Variants in CYP2F1 observed in about 807,000 individuals in gnomAD.
CYP2F1 encodes cytochrome P450 2F1.
A neutral mutation model predicts 40.4 loss-of-function variants in CYP2F1; 33 were observed. That is an observed-to-expected ratio of 0.82 (90% CI 0.62 to 1.09). CYP2F1 has a LOEUF of 1.09. Ranked by LOEUF, CYP2F1 falls within the 50% of genes least tolerant of loss-of-function variation. The probability of loss-of-function intolerance (pLI) is 0.00; values close to 1 mark genes in which losing one functional copy is unlikely to be tolerated. For missense variants in CYP2F1, 566 were observed against 655.7 expected, an observed-to-expected ratio of 0.86 and a Z score of 1.49; for synonymous variants, 235 against 277.2, an observed-to-expected ratio of 0.85 and a Z score of 1.51.
In CYP2F1 at chr19:41,121,459, C is replaced by T. The variant is rs1314569101; in HGVS notation, c.486C>T (p.Gly162=). The T allele has an allele frequency of 1.9e-6, 3 of 1,608,774 alleles. No individual in the cohort carries two copies. The highest frequency in any genetic ancestry group is 1.7e-6 in the Non-Finnish European group (2 of 1,179,250). ...ATCCATTGCACTCCTTACCCTCAGG[C>T]GAGCCCTTTGACCCCACGTTTGTGC... ...FLLAELRKTE[G]EPFDPTFVLS... The change falls in exon 5 of 10, where the codon GGC becomes GGT. Residue 162 remains glycine, a splice_region_variant and synonymous_variant. Transcript: ENST00000331105.
In CYP2F1 at chr19:41,122,254, G is replaced by A. The variant is rs1468356992; in HGVS notation, c.822+121G>A. On this transcript the variant is annotated intron_variant, in intron 6 of 9. Coordinates refer to ENST00000331105, the MANE Select transcript of CYP2F1 (RefSeq NM_000774.5). ...GGGGGACCTTCTCCCTGGAGAAGCT[G>A]AAGCATCTGGCCCAGCTGGGCTGGA... The A allele has an allele frequency of 1.8e-5, 17 of 951,494 alleles. 1 individual carries two copies. The South Asian group carries it at 2.3e-4, about 13-fold the overall frequency. The allele number at this position is 951,494 out of a possible 1,614,324, so 58.9% of individuals were successfully genotyped here. A position where few individuals can be genotyped will look rare whatever the true frequency, so the allele number is the denominator to read the frequency against.
chr19:41,120,433 A>C lies in CYP2F1; in HGVS notation c.421A>C (p.Ser141Arg), dbSNP rs1406232456. 6.2e-7 allele frequency: 1 copy of C among 1,614,076 alleles called. No homozygotes were observed. The highest frequency in any genetic ancestry group is 2.2e-5 in the East Asian group (1 of 44,880). The part of the protein sequence containing the change: ...ILRNFGMGKR[S>R]IEERILEEGS... ...ACGGAATTTCGGGATGGGGAAGAGA[A>C]GCATTGAGGAGCGAATCCTAGAGGA... Residue 141 changes from serine (S) to arginine (R), a missense_variant, in exon 4 of 10, where the codon AGC (serine) becomes CGC (arginine). Ser to Arg is a moderately radical substitution (Grantham distance 110, BLOSUM62 -1). Coordinates refer to ENST00000331105, the MANE Select transcript of CYP2F1 (RefSeq NM_000774.5).
intron 7 of CYP2F1, among the ~76,000 whole-genome samples, chr19:41,124,259 T>TAC (rs1488390905): frequency 2.3e-5 from 2 of 85,928 alleles, no homozygotes; most frequent in African/African-American, 1.1e-4. Flanking sequence ...CCCCCCCTTT[T>TAC]TTTTTTTTTT....
At position 41,128,087 on chromosome 19, in the gene CYP2F1, C is replaced by G. The variant is rs756222596; in HGVS notation, c.*5C>G. On this transcript the variant is annotated 3_prime_UTR_variant, in exon 10 of 10. Coordinates refer to ENST00000331105, the MANE Select transcript of CYP2F1 (RefSeq NM_000774.5). ...CTGTGCCTGCGCCCGCGCTAACGCC[C>G]CGGCCCTTCCAGATTCGCCTGTGAG... is the stretch of plus-strand genomic sequence containing the variant. 8.8e-6 allele frequency: 14 copies of G among 1,598,060 alleles called. No individual in the cohort carries two copies. The East Asian group carries it at 2.0e-4, about 23-fold the overall frequency.
rs1488390905 is a variant in CYP2F1, at chr19:41,124,259, T to TCC, written c.965-460_965-459insCC. 5.7e-4 allele frequency among the ~76,000 whole-genome samples: 49 copies of TCC among 85,924 alleles called. 1 individual carries two copies. The highest frequency in any genetic ancestry group is 8.5e-4 in the Non-Finnish European group (40 of 47,254). 56.4% of individuals were successfully genotyped at this position (85,924 alleles called of 152,430 possible). On this transcript the variant is annotated intron_variant, in intron 7 of 9. Transcript: ENST00000331105. ...TTTTTTCCTCTTCCCCCCCCCCTTTTTTTTTTTTTTTTTTTTTTTTTTGAG... is the reference window on the plus strand; with the variant it reads ...TTTTTTCCTCTTCCCCCCCCCCTTTTCCTTTTTTTTTTTTTTTTTTTTTTGAG...
rs186281561 is a variant in CYP2F1 at position 41,116,624 on chromosome 19, C to T, written c.334+7C>T. 11 of 1,613,592 alleles carry T rather than the reference C, an allele frequency of 6.8e-6. No homozygotes were observed. In the Admixed American group the frequency reaches 1.7e-4, roughly 25 times the overall value. ...AACTTTACCAAGGGCAATGGTAAGC[C>T]TCGTCCTTGTCTCCTCCGCTCTCGG... On this transcript the variant is annotated splice_region_variant and intron_variant, in intron 3 of 9. Transcript: ENST00000331105.
At chr19:41,122,515 TACAC>T (rs1189813253) in intron 6 of CYP2F1, among the ~76,000 whole-genome samples, 1 of 151,178 alleles carries the variant, frequency 6.6e-6, no homozygotes, top group African/African-American at 2.4e-5. Context: ...CATACATACA[TACAC>T]ACACACATAC....
rs890851240 is a variant in CYP2F1, at chr19:41,125,128, A to G, written c.1152+222A>G. On this transcript the variant is annotated intron_variant, in intron 8 of 9. Coordinates refer to ENST00000331105, the MANE Select transcript of CYP2F1 (RefSeq NM_000774.5). ...TAGTGGACTAGACCCCTTCACCATG[A>G]CAAATCCCCTTCCTAGAACCCCTCC... 1.2e-5 allele frequency: 7 copies of G among 567,324 alleles called. No individual in the cohort carries two copies. In the East Asian group the frequency reaches 2.1e-4, roughly 17 times the overall value. 35.1% of individuals were successfully genotyped at this position (567,324 alleles called of 1,614,324 possible). A position where few individuals can be genotyped will look rare whatever the true frequency, so the allele number is the denominator to read the frequency against.
intron 3 of CYP2F1, among the ~76,000 whole-genome samples, 193 bp from the exon 4 acceptor site, chr19:41,120,154 T>A (rs2032102372): frequency 6.6e-6 from 1 of 151,898 alleles, no homozygotes; most frequent in Non-Finnish European, 1.5e-5. Flanking sequence ...AGGATGGTCG[T>A]GAGGGAAGCC....
intron 7 of CYP2F1, among the ~76,000 whole-genome samples, 192 bp from the exon 8 acceptor site, chr19:41,124,527 T>G (rs1217380856): frequency 6.6e-6 from 1 of 152,108 alleles, no homozygotes; most frequent in African/African-American, 2.4e-5. Context: ...GCCTCCCAAG[T>G]GCTGGGATTA....
chr19:41,117,946 T>G (rs1393384247), intron 3 of CYP2F1, among the ~76,000 whole-genome samples: 1 of 151,968 alleles, frequency 6.6e-6, no homozygotes, highest in Non-Finnish European at 1.5e-5. Context: ...GCCTCCCAGG[T>G]TGATGCCATT....
intron 3 of CYP2F1, among the ~76,000 whole-genome samples, chr19:41,117,494 T>C (rs1378157707): frequency 1.3e-5 from 2 of 152,080 alleles, no homozygotes; most frequent in Non-Finnish European, 2.9e-5. Flanking sequence ...CAATTACCTA[T>C]TGAAATTTCC....
intron 8 of CYP2F1, chr19:41,125,164 T>C: frequency 1.8e-6 from 1 of 566,108 alleles, no homozygotes; most frequent in Non-Finnish European, 3.1e-6. Flanking sequence ...CTGGAAGCCC[T>C]GGGGTCTGGA....
intron 4 of CYP2F1, among the ~76,000 whole-genome samples, chr19:41,120,989 C>G (rs1349536529): frequency 1.3e-5 from 2 of 151,928 alleles, no homozygotes; most frequent in Non-Finnish European, 2.9e-5. Context: ...TGTTGTGTGG[C>G]AGGATTATGT....
chr19:41,120,590 T>C (rs1274538730), intron 4 of CYP2F1, 94 bp downstream of exon 4: 2 of 1,377,046 alleles, frequency 1.5e-6, no homozygotes, highest in Non-Finnish European at 1.0e-6. Context: ...CAAACCATCC[T>C]CCCACCTCAA....
At chr19:41,121,691 C>A in intron 5 of CYP2F1, 73 bp downstream of exon 5, 6 of 1,428,506 alleles carry the variant, frequency 4.2e-6, no homozygotes, top group South Asian at 1.3e-5. Context: ...AAACAGTGGG[C>A]GGGGAAAGGG....
Position 41,122,068 on chromosome 19 carries a change from C to G in CYP2F1, c.757C>G (p.Gln253Glu), listed in dbSNP as rs1323685735. The change falls in exon 6 of 10, where the codon CAG becomes GAG. Residue 253 changes from glutamine (Q) to glutamate (E), a missense_variant. Gln to Glu is a conservative substitution (Grantham distance 29). This residue lies in a region of CYP2F1 where 62 missense variants were observed against 105.6 expected (regional missense o/e 0.59). Coordinates refer to ENST00000331105, the MANE Select transcript of CYP2F1 (RefSeq NM_000774.5). ...CATCGCCCACAGCGTCCACGACCACCAGGCCTCGCTAGACCCCAGATCTCC... is the reference window on the plus strand; with the variant it reads ...CATCGCCCACAGCGTCCACGACCACGAGGCCTCGCTAGACCCCAGATCTCC... Reference protein sequence around the residue: ...DLIAHSVHDHQASLDPRSPRD... With the variant: ...DLIAHSVHDHEASLDPRSPRD... 1 of 1,608,280 alleles carries G rather than the reference C, an allele frequency of 6.2e-7. No homozygotes were observed. Among genetic ancestry groups the G allele is most frequent in the Admixed American group, 1.7e-5 (1 of 59,654 alleles).
intron 7 of CYP2F1, among the ~76,000 whole-genome samples, chr19:41,124,218 T>C (rs572557468): frequency 6.5e-5 from 9 of 137,636 alleles, no homozygotes; most frequent in African/African-American, 2.2e-4. Flanking sequence ...TCCCAGACCC[T>C]GGCTAATTCT....
chr19:41,120,347 G>T lies in CYP2F1; in HGVS notation c.335G>T (p.Gly112Val). Residue 112 changes from glycine (G) to valine (V), a missense_variant and splice_region_variant, in exon 4 of 10, where the codon GGC (glycine) becomes GTC (valine). Around this residue, in one of 5 missense-constraint regions of CYP2F1, gnomAD observed 264 missense variants for 275.7 expected, o/e 0.96. Coordinates refer to ENST00000331105, the MANE Select transcript of CYP2F1 (RefSeq NM_000774.5). ...GCTGGTCCCCTCCTCTTCTCCCCAG[G>T]CATCGCCTTCTCCAGTGGGGATCGA... ...PAFFNFTKGN[G>V]IAFSSGDRWK... The T allele has an allele frequency of 6.3e-7, 1 of 1,591,158 alleles. No individual in the cohort carries two copies. The highest frequency in any genetic ancestry group is 1.1e-5 in the South Asian group (1 of 88,000).
Sources: allele counts gnomAD v4.1 joint callset (sites outside exome capture counted in the v4.1 genomes callset), GRCh38; gene constraint gnomAD v4.1.1; regional missense constraint gnomAD v4.1.1; transcripts MANE v1.5; gene names NCBI Gene and HGNC (gene_info 2026-07-23, HGNC 2026-07-21).